Variants in LRBA observed in about 807,000 individuals in gnomAD.
LRBA encodes the protein lipopolysaccharide-responsive and beige-like anchor protein.
LRBA carries 176 observed loss-of-function variants against 330.0 expected under a neutral mutation model. That is an observed-to-expected ratio of 0.53 (90% CI 0.47 to 0.60). The LOEUF is 0.60. LRBA is among the 20% of genes least tolerant of loss of function. The probability of loss-of-function intolerance (pLI) is 0.00; values close to 1 mark genes in which losing one functional copy is unlikely to be tolerated. For synonymous variants in LRBA, 1,230 were observed against 1,193.0 expected, an observed-to-expected ratio of 1.03 and a Z score of -0.64; for missense variants, 3,259 against 3,444.8, an observed-to-expected ratio of 0.95 and a Z score of 1.35.
chr4:150,802,499 A>G (rs1397314424), intron 33 of LRBA, among the ~76,000 whole-genome samples: 1 of 152,136 alleles, frequency 6.6e-6, no homozygotes, highest in Non-Finnish European at 1.5e-5. Flanking sequence ...GAACTCACAT[A>G]TAATAATTGT....
intron 2 of LRBA, among the ~76,000 whole-genome samples, chr4:150,943,751 T>TA (rs1330902495): frequency 3.3e-5 from 5 of 152,104 alleles, no homozygotes; most frequent in African/African-American, 1.2e-4. Flanking sequence ...TATGAGCAAA[T>TA]AAAATCACAC....
At chr4:150,905,273 T>C (rs1255980693) in intron 13 of LRBA, among the ~76,000 whole-genome samples, 1 of 152,140 alleles carries the variant, frequency 6.6e-6, no homozygotes, top group Non-Finnish European at 1.5e-5. Flanking sequence ...TAGTATATCA[T>C]GCCTTCAAAG....
rs565966284 is a variant in LRBA, at chr4:150,321,578, G to C, written c.7453-210C>G. ...CATGTATGTCGTTAGTTGGAATTTTGGGGGACTGAAGTAGAATACATTAAC... is the reference window on the plus strand; with the variant it reads ...CATGTATGTCGTTAGTTGGAATTTTCGGGGACTGAAGTAGAATACATTAAC... On this transcript the variant is annotated intron_variant, in intron 49 of 56. Transcript: ENST00000651943. This position sits in a 1 kb window ranked among gnomAD's most constrained non-coding sequence, Gnocchi z 4.5. 6.6e-6 allele frequency among the ~76,000 whole-genome samples: 1 copy of C among 152,250 alleles called. No individual in the cohort carries two copies. Among genetic ancestry groups the C allele is most frequent in the Non-Finnish European group, 1.5e-5 (1 of 68,014 alleles).
chr4:150,446,795 A>T (rs1158577326), intron 44 of LRBA, among the ~76,000 whole-genome samples: 1 of 152,220 alleles, frequency 6.6e-6, no homozygotes, highest in Admixed American at 6.5e-5. Flanking sequence ...GAGATTCACA[A>T]CTGCTATCTA....
intron 2 of LRBA, among the ~76,000 whole-genome samples, chr4:150,966,649 A>G (rs1347580193): frequency 1.3e-5 from 2 of 152,020 alleles, no homozygotes; most frequent in Non-Finnish European, 2.9e-5. Context: ...TAATTATTCA[A>G]ATTAACTAAA....
intron 37 of LRBA, among the ~76,000 whole-genome samples, chr4:150,615,708 A>G (rs1283192122): frequency 6.6e-6 from 1 of 152,088 alleles, no homozygotes; most frequent in Non-Finnish European, 1.5e-5. Context: ...CTGGGGCAGA[A>G]AAGGGCTAAC....
intron 36 of LRBA, among the ~76,000 whole-genome samples, chr4:150,717,529 G>A (rs920694036): frequency 6.6e-6 from 1 of 151,586 alleles, no homozygotes; most frequent in African/African-American, 2.4e-5. Flanking sequence ...GTGTGGTGGT[G>A]TGCACATGTA....
intron 37 of LRBA, among the ~76,000 whole-genome samples, chr4:150,660,465 T>A (rs1174269154): frequency 6.6e-6 from 1 of 150,534 alleles, no homozygotes. Flanking sequence ...AGCCGCCCCG[T>A]CCGGGAGGGA....
chr4:150,667,647 C>T (rs1434324183), intron 37 of LRBA, among the ~76,000 whole-genome samples: 2 of 152,094 alleles, frequency 1.3e-5, no homozygotes, highest in Non-Finnish European at 2.9e-5. Context: ...GAGGGTAGGA[C>T]CCTCAGGAAT....
chr4:150,963,030 AC>A (rs1159750467), intron 2 of LRBA, among the ~76,000 whole-genome samples: 3 of 139,960 alleles, frequency 2.1e-5, no homozygotes, highest in Admixed American at 7.0e-5. Flanking sequence ...AAAAAAAAAA[AC>A]ACCACTAGTC....
At chr4:150,831,115 C>T (rs1001156191) in intron 29 of LRBA, among the ~76,000 whole-genome samples, 33 of 151,970 alleles carry the variant, frequency 2.2e-4, no homozygotes, top group African/African-American at 7.0e-4. Context: ...CAAGACCCTC[C>T]AATGAGTTCT....
intron 35 of LRBA, among the ~76,000 whole-genome samples, chr4:150,760,239 G>T (rs1290441089): frequency 6.6e-6 from 1 of 152,010 alleles, no homozygotes; most frequent in African/African-American, 2.4e-5. Context: ...AAAGAGTAAA[G>T]AATTAGTCAT....
intron 40 of LRBA, among the ~76,000 whole-genome samples, chr4:150,494,716 C>T (rs970592620): frequency 5.3e-5 from 8 of 152,202 alleles, no homozygotes; most frequent in East Asian, 1.9e-4. Flanking sequence ...CAGTAGTAGG[C>T]GGGGCACGGT....
intron 32 of LRBA, 24 bp downstream of exon 32, chr4:150,808,296 T>C: frequency 6.6e-7 from 1 of 1,510,848 alleles, no homozygotes; most frequent in Non-Finnish European, 9.2e-7. Flanking sequence ...TAAATCACAA[T>C]ATTCAAGTTA....
chr4:150,361,445 T>C (rs191890124), intron 47 of LRBA, among the ~76,000 whole-genome samples: 101 of 152,310 alleles, frequency 6.6e-4, no homozygotes, highest in Admixed American at 1.0e-3. Flanking sequence ...GAAAATGTTT[T>C]TGCAAAGATT....
At chr4:150,285,755 C>T (rs779774191) in intron 54 of LRBA, among the ~76,000 whole-genome samples, 178 bp downstream of exon 54, 7 of 152,060 alleles carry the variant, frequency 4.6e-5, no homozygotes, top group Non-Finnish European at 8.8e-5. Flanking sequence ...GCTAGTGCCA[C>T]GAAGAAACTT....
Position 150,583,643 on chromosome 4 carries a change from C to T in LRBA, c.6330+4405G>A. 6.2e-7 allele frequency: 1 copy of T among 1,614,020 alleles called. No homozygotes were observed. The highest frequency in any genetic ancestry group is 1.1e-5 in the South Asian group (1 of 91,072). On this transcript the variant is annotated intron_variant, in intron 40 of 56. Coordinates refer to ENST00000651943, the MANE Select transcript of LRBA (RefSeq NM_001364905.1). This position sits in a 1 kb window ranked among gnomAD's most constrained non-coding sequence, Gnocchi z 9.8. ...CCCAATCGGGTGGCCGAGGTCAAGG[C>T]CGAAGGGTTCAACTTGCTCTCGAAG...
At chr4:150,903,559 C>T (rs1328756284) in intron 13 of LRBA, among the ~76,000 whole-genome samples, 1 of 151,628 alleles carries the variant, frequency 6.6e-6, no homozygotes, top group Non-Finnish European at 1.5e-5. Flanking sequence ...GGCAACATGG[C>T]AAAACATCAT....
chr4:150,567,074 G>A (rs1465786257), intron 40 of LRBA, among the ~76,000 whole-genome samples: 1 of 152,022 alleles, frequency 6.6e-6, no homozygotes, highest in East Asian at 1.9e-4. Context: ...TAAGTTTCAA[G>A]TATTTTTCAT....
Sources: gnomAD v4.1 joint callset for allele counts (sites outside exome capture counted in the v4.1 genomes callset) on GRCh38, gnomAD v4.1.1 for gene constraint, Gnocchi (gnomAD v3.1) non-coding constraint, MANE v1.5 for transcripts, NCBI Gene and HGNC (gene_info 2026-07-23, HGNC 2026-07-21) for gene names.